The following ABI3BP variants were observed in gnomAD, a reference collection of about 807,000 sequenced individuals.
ABI3BP encodes target of Nesh-SH3.
In ABI3BP, 216 loss-of-function variants were observed where a neutral mutation model predicts 268.6. The ratio of observed to expected loss-of-function variants is 0.80; its 90% CI spans 0.72 to 0.90. The LOEUF is 0.90. Ranked by LOEUF, ABI3BP falls within the 40% of genes least tolerant of loss-of-function variation. The probability of loss-of-function intolerance (pLI) is 0.00; values close to 1 mark genes in which losing one functional copy is unlikely to be tolerated. For missense variants in ABI3BP, 2,090 were observed against 2,182.4 expected (o/e 0.96, Z 0.84); for synonymous variants, 730 against 730.0 (o/e 1.00, Z 0.00).
Position 100,787,858 on chromosome 3 carries a change from GA to G in ABI3BP, c.4088-57del, listed in dbSNP as rs977969374. 8.6e-6 allele frequency: 11 copies of G among 1,279,306 alleles called. No individual in the cohort carries two copies. The Admixed American group carries it at 2.5e-4, about 29-fold the overall frequency. The allele number at this position is 1,279,306 out of a possible 1,614,324, so 79.2% of individuals were successfully genotyped here. On this transcript the variant is annotated intron_variant, in intron 56 of 67. Coordinates refer to ENST00000471714, the MANE Select transcript of ABI3BP (RefSeq NM_001375547.2). ...TTTCTTATTGAAAGTTTGCAGCCGA[GA>G]AAAACAAAATTTCTCAGAGAATTGA...
intron 20 of ABI3BP, among the ~76,000 whole-genome samples, chr3:100,845,282 C>T (rs74642141): frequency 0.016 from 2,476 of 152,218 alleles, 101 homozygotes; most frequent in East Asian, 0.15. Flanking sequence ...TTATTAGCTA[C>T]GCTTCTTCCC....
At chr3:100,990,400 T>A (rs58763253) in intron 1 of ABI3BP, among the ~76,000 whole-genome samples, 6,224 of 151,930 alleles carry the variant, frequency 0.041, 197 homozygotes, top group African/African-American at 0.087. Flanking sequence ...AAAACTATAG[T>A]CATTTAGTGG....
chr3:100,956,586 T>C (rs2076934459), intron 1 of ABI3BP, among the ~76,000 whole-genome samples: 2 of 152,222 alleles, frequency 1.3e-5, no homozygotes, highest in South Asian at 4.1e-4. Context: ...TATGTTTGTA[T>C]GTTTTTAAGC....
chr3:100,819,282 C>T (rs1485721214), intron 40 of ABI3BP, among the ~76,000 whole-genome samples: 3 of 152,206 alleles, frequency 2.0e-5, no homozygotes, highest in Non-Finnish European at 2.9e-5. Context: ...CTTGCCTCTA[C>T]TCTTCCTGTC....
intron 1 of ABI3BP, among the ~76,000 whole-genome samples, chr3:100,950,232 G>A (rs994259991): frequency 6.6e-6 from 1 of 152,130 alleles, no homozygotes; most frequent in African/African-American, 2.4e-5. Flanking sequence ...GCAGAGAAAG[G>A]ATATTCAATT....
intron 55 of ABI3BP, 134 bp from the exon 56 acceptor site, chr3:100,789,650 T>C (rs1050628962): frequency 5.6e-5 from 43 of 761,422 alleles, no homozygotes; most frequent in Non-Finnish European, 8.0e-5. Flanking sequence ...ATTCCCATTA[T>C]GCATTATAGA....
intron 1 of ABI3BP, among the ~76,000 whole-genome samples, chr3:100,988,286 G>A (rs1257796765): frequency 1.3e-5 from 2 of 152,204 alleles, no homozygotes; most frequent in African/African-American, 4.8e-5. Context: ...AGTTGACAGA[G>A]CAAGGTGTAA....
At chr3:100,849,915 G>A in intron 17 of ABI3BP, 130 bp downstream of exon 17, 1 of 715,838 alleles carries the variant, frequency 1.4e-6, no homozygotes, top group Non-Finnish European at 2.4e-6. Context: ...AGAATTTCAT[G>A]GTAGAGACTG....
intron 1 of ABI3BP, among the ~76,000 whole-genome samples, chr3:100,986,317 G>C (rs538601109): frequency 6.6e-6 from 1 of 152,316 alleles, no homozygotes; most frequent in South Asian, 2.1e-4. Flanking sequence ...CCTCTGGCCA[G>C]TACCTTCACT....
At chr3:100,785,419 G>T (rs12330853) in intron 57 of ABI3BP, among the ~76,000 whole-genome samples, 95,667 of 152,098 alleles carry the variant, frequency 0.63, 32,744 homozygotes, top group East Asian at 0.94. Flanking sequence ...GTCTACAACC[G>T]GGAGAGGAGA....
At chr3:100,940,811 T>TAC (rs2068739552) in intron 1 of ABI3BP, among the ~76,000 whole-genome samples, 1 of 70,010 alleles carries the variant, frequency 1.4e-5, no homozygotes, top group African/African-American at 5.3e-5. Context: ...TATATATATA[T>TAC]ATATATATAT....
Position 100,821,118 on chromosome 3 carries a change from T to C in ABI3BP, c.2888-5A>G, listed in dbSNP as rs1337853954. 2.0e-6 allele frequency: 3 copies of C among 1,535,008 alleles called. No homozygotes were observed. The highest frequency in any genetic ancestry group is 2.6e-6 in the Non-Finnish European group (3 of 1,146,194). On this transcript the variant is annotated splice_polypyrimidine_tract_variant and splice_region_variant and intron_variant, in intron 38 of 67. Coordinates refer to ENST00000471714, the MANE Select transcript of ABI3BP (RefSeq NM_001375547.2). ...GTTTGAGCTCCGCAGTAGGAACTGA[T>C]CAAAAGCATTAAAATTAACCAAATG... is the stretch of plus-strand genomic sequence containing the variant.
Position 100,837,170 on chromosome 3 carries a change from G to A in ABI3BP, c.2085C>T (p.Val695=). ...AEPDMPPTKS[V]SEPVPFETEA... ...CAGTTTCAAATGGAACAGGCTCAGA[G>A]ACTGCATCATAAAAAATAAACAGAT... The change falls in exon 27 of 68, where the codon GTC becomes GTT. Residue 695 remains valine (V), a splice_region_variant and synonymous_variant. Transcript: ENST00000471714. The A allele has an allele frequency of 6.5e-7, 1 of 1,533,680 alleles. No homozygotes were observed. The highest frequency in any genetic ancestry group is 2.0e-5 in the Admixed American group (1 of 50,674).
intron 40 of ABI3BP, 135 bp downstream of exon 40, chr3:100,820,085 G>T: frequency 1.4e-6 from 1 of 712,500 alleles, no homozygotes; most frequent in East Asian, 2.7e-5. Context: ...TAACTCAACA[G>T]GGGGAGCAGT....
chr3:100,850,842 T>C, intron 15 of ABI3BP, 108 bp from the exon 16 acceptor site: 1 of 797,534 alleles, frequency 1.3e-6, no homozygotes. Context: ...ATATCAAGAA[T>C]ACTTGAGGGC....
chr3:100,896,363 AC>A (rs2047671959), intron 4 of ABI3BP, among the ~76,000 whole-genome samples: 1 of 152,154 alleles, frequency 6.6e-6, no homozygotes, highest in African/African-American at 2.4e-5. Context: ...GTGCTGTCAA[AC>A]CATGGCAACA....
intron 61 of ABI3BP, among the ~76,000 whole-genome samples, chr3:100,772,616 A>C (rs1286075722): frequency 6.6e-6 from 1 of 152,176 alleles, no homozygotes; most frequent in Non-Finnish European, 1.5e-5. Context: ...TTAATAAGAC[A>C]ACAAAAAAGA....
rs975885694 is a variant in ABI3BP, at chr3:100,912,402, T to C, written c.260-9716A>G. 3.3e-5 allele frequency among the ~76,000 whole-genome samples: 5 copies of C among 151,902 alleles called. No homozygotes were observed. The East Asian group carries it at 7.7e-4, about 23-fold the overall frequency. Reference sequence around the variant, plus strand: ...GGGATACAAGAGCAGTACCATTAATTAGCAACTTGTTTCTTAGTTTTATAT... The same window carrying C: ...GGGATACAAGAGCAGTACCATTAATCAGCAACTTGTTTCTTAGTTTTATAT... On this transcript the variant is annotated intron_variant, in intron 2 of 67. Coordinates refer to ENST00000471714, the MANE Select transcript of ABI3BP (RefSeq NM_001375547.2).
intron 1 of ABI3BP, among the ~76,000 whole-genome samples, chr3:100,946,150 C>T (rs1448349148): frequency 6.6e-6 from 1 of 151,972 alleles, no homozygotes; most frequent in African/African-American, 2.4e-5. Context: ...GTGGGCAGAT[C>T]ACCTGAGGTC....
Sources: gnomAD v4.1 joint callset for allele counts (sites outside exome capture counted in the v4.1 genomes callset) on GRCh38, gnomAD v4.1.1 for gene constraint, MANE v1.5 for transcripts, NCBI Gene and HGNC (gene_info 2026-07-23, HGNC 2026-07-21) for gene names.